The following RARB variants were observed in gnomAD, a reference collection of about 807,000 sequenced individuals.
RARB encodes the protein HBV-activated protein.
Under a neutral mutation model 51.9 loss-of-function variants are expected in RARB, and 17 were observed. The ratio of observed to expected loss-of-function variants is 0.33; its 90% CI spans 0.22 to 0.49. RARB has a LOEUF of 0.49. RARB is among the 20% of genes least tolerant of loss of function. The pLI is 0.99. For missense variants in RARB, 369 were observed against 550.8 expected, an observed-to-expected ratio of 0.67 and a Z score of 3.30; for synonymous variants, 215 against 195.4, an observed-to-expected ratio of 1.10 and a Z score of -0.84.
intron 3 of RARB, among the ~76,000 whole-genome samples, chr3:25,554,311 G>T (rs930991546): frequency 1.2e-4 from 18 of 151,756 alleles, no homozygotes; most frequent in African/African-American, 4.4e-4. Flanking sequence ...CCCTAAGTTT[G>T]ATTTATTGCA....
In RARB at chr3:25,406,428, G is replaced by T. The variant is rs143089002; in HGVS notation, c.179-54765G>T. Among the ~76,000 whole-genome samples the T allele has an allele frequency of 5.0e-3, 769 of 152,302 alleles. 4 individuals are homozygous for T. Among genetic ancestry groups the T allele is most frequent in the Non-Finnish European group, 8.3e-3 (568 of 68,030 alleles). ...TTAGAGGCTAAAAGTCCAAGATCAG[G>T]GTGCCAGTGGGGTTGGTCTCTCCTG... On this transcript the variant is annotated intron_variant, in intron 5 of 11. Transcript: ENST00000383772.
intron 5 of RARB, among the ~76,000 whole-genome samples, chr3:25,383,292 C>G (rs1466484888): frequency 6.6e-6 from 1 of 152,214 alleles, no homozygotes; most frequent in African/African-American, 2.4e-5. Flanking sequence ...TGTGTGGCTC[C>G]TCTCTGCCAG....
chr3:25,231,628 G>T (rs1457789578), intron 5 of RARB, among the ~76,000 whole-genome samples: 1 of 152,118 alleles, frequency 6.6e-6, no homozygotes, highest in African/African-American at 2.4e-5. Context: ...AGCCATTCTA[G>T]TGTGTAATGG....
chr3:25,275,533 T>C (rs1034262814), intron 5 of RARB, among the ~76,000 whole-genome samples: 1 of 152,192 alleles, frequency 6.6e-6, no homozygotes, highest in African/African-American at 2.4e-5. Context: ...AAGCTACCCC[T>C]TTGTACTGTT....
At chr3:25,054,939 A>G (rs1322665815) in intron 2 of RARB, among the ~76,000 whole-genome samples, 1 of 152,212 alleles carries the variant, frequency 6.6e-6, no homozygotes, top group South Asian at 2.1e-4. Context: ...GACAAAAGCA[A>G]TTAATACTGA....
At chr3:25,187,488 G>C (rs1266981536) in intron 5 of RARB, among the ~76,000 whole-genome samples, 2 of 151,804 alleles carry the variant, frequency 1.3e-5, no homozygotes, top group Non-Finnish European at 2.9e-5. Context: ...CATTTTTATA[G>C]CTTATTAAAC....
Position 25,021,670 on chromosome 3 carries a change from A to G in RARB, c.-379-38455A>G, listed in dbSNP as rs551890393. Reference sequence around the variant, plus strand: ...TTTTTACTGGAAAAAAAAATACCCAATCCATTTAGGTGTACATTCAGTTTT... The same window carrying G: ...TTTTTACTGGAAAAAAAAATACCCAGTCCATTTAGGTGTACATTCAGTTTT... On this transcript the variant is annotated intron_variant, in intron 2 of 11. Coordinates refer to the RARB transcript ENST00000383772. 1.9e-3 allele frequency among the ~76,000 whole-genome samples: 288 copies of G among 152,234 alleles called. 2 individuals are homozygous for G. Among genetic ancestry groups the G allele is most frequent in the Non-Finnish European group, 2.5e-3 (167 of 67,992 alleles).
Position 24,893,771 on chromosome 3 carries a change from T to C in RARB, c.-380+35019T>C, listed in dbSNP as rs1575058296. 2.0e-5 allele frequency among the ~76,000 whole-genome samples: 3 copies of C among 152,188 alleles called. No homozygotes were observed. The South Asian group carries it at 6.2e-4, about 32-fold the overall frequency. ...GACTTCTGGACTCAAGCAATCCTCC[T>C]ACCTTAGTCTCCCAAAGTACTGGGA... is the stretch of plus-strand genomic sequence containing the variant. On this transcript the variant is annotated intron_variant, in intron 2 of 11. Transcript: ENST00000383772.
chr3:25,136,267 C>T (rs1027279214), intron 4 of RARB, among the ~76,000 whole-genome samples: 19 of 151,868 alleles, frequency 1.3e-4, no homozygotes, highest in African/African-American at 4.4e-4. Context: ...GGTTGAATTG[C>T]GTGATTAATA....
chr3:25,047,068 C>T (rs1575134799), intron 2 of RARB, among the ~76,000 whole-genome samples: 1 of 152,246 alleles, frequency 6.6e-6, no homozygotes, highest in East Asian at 1.9e-4. Context: ...TCCAGTGTCT[C>T]ATGTGGCAAA....
At chr3:25,193,472 AC>A in intron 5 of RARB, among the ~76,000 whole-genome samples, 2 of 152,174 alleles carry the variant, frequency 1.3e-5, no homozygotes, top group Middle Eastern at 6.8e-3. Context: ...ACTTCATTGT[AC>A]CCATGATCTG....
intron 2 of RARB, among the ~76,000 whole-genome samples, chr3:24,927,261 G>C (rs12638313): frequency 0.46 from 69,984 of 151,892 alleles, 16,633 homozygotes; most frequent in East Asian, 0.61. Flanking sequence ...GCTTAACTAT[G>C]ATTAAATGTA....
At chr3:24,904,444 A>G (rs1029376770) in intron 2 of RARB, among the ~76,000 whole-genome samples, 2 of 152,212 alleles carry the variant, frequency 1.3e-5, no homozygotes, top group Admixed American at 1.3e-4. Flanking sequence ...GAGAAATGCA[A>G]ATCAAAACCA....
chr3:25,143,498 T>G (rs1291898367), intron 4 of RARB, among the ~76,000 whole-genome samples: 1 of 152,166 alleles, frequency 6.6e-6, no homozygotes, highest in Non-Finnish European at 1.5e-5. Flanking sequence ...AGGGAGGCAT[T>G]CCAAAGGTGT....
At chr3:25,164,321 T>C (rs1387629764) in intron 4 of RARB, among the ~76,000 whole-genome samples, 2 of 152,196 alleles carry the variant, frequency 1.3e-5, no homozygotes, top group Admixed American at 1.3e-4. Flanking sequence ...ATTGCCATTA[T>C]AGGAAGGTCC....
At chr3:25,022,628 C>T (rs559329367) in intron 2 of RARB, among the ~76,000 whole-genome samples, 32 of 152,222 alleles carry the variant, frequency 2.1e-4, no homozygotes, top group African/African-American at 6.0e-4. Flanking sequence ...TTACTTTAAC[C>T]GTTCTGTTGA....
chr3:25,494,032 A>G (rs1457207395), intron 2 of RARB, among the ~76,000 whole-genome samples: 1 of 152,096 alleles, frequency 6.6e-6, no homozygotes, highest in African/African-American at 2.4e-5. Context: ...GGCTCAGGGG[A>G]TTAGGTATTT....
intron 1 of RARB, among the ~76,000 whole-genome samples, chr3:24,834,198 C>T (rs1053128248): frequency 2.6e-5 from 4 of 152,092 alleles, no homozygotes; most frequent in Non-Finnish European, 4.4e-5. Context: ...CACGCTAAAG[C>T]GACAGATTAT....
intron 5 of RARB, among the ~76,000 whole-genome samples, chr3:25,591,344 A>G (rs1266238550): frequency 6.6e-6 from 1 of 152,232 alleles, no homozygotes; most frequent in Non-Finnish European, 1.5e-5. Context: ...CCTCTACAGC[A>G]GGCAGGCCAA....
Sources: gnomAD v4.1 joint callset for allele counts (sites outside exome capture counted in the v4.1 genomes callset) on GRCh38, gnomAD v4.1.1 for gene constraint, MANE v1.5 for transcripts, NCBI Gene and HGNC (gene_info 2026-07-23, HGNC 2026-07-21) for gene names.